Variants in SCN2A observed in about 807,000 individuals in gnomAD.
SCN2A encodes the protein sodium voltage-gated channel alpha subunit 2, also known as sodium channel protein type 2 subunit alpha.
Under a neutral mutation model 188.7 loss-of-function variants are expected in SCN2A, and 20 were observed. That is an observed-to-expected ratio of 0.11 (90% CI 0.07 to 0.15). SCN2A has a LOEUF of 0.15. SCN2A is among the 10% of genes least tolerant of loss of function. SCN2A has a pLI of 1.00. For missense variants in SCN2A, 1,278 were observed against 2,445.0 expected (o/e 0.52, Z 10.07); for synonymous variants, 804 against 833.1 (o/e 0.97, Z 0.60).
intron 14 of SCN2A, among the ~76,000 whole-genome samples, chr2:165,337,455 C>A (rs13387970): frequency 0.48 from 73,502 of 151,864 alleles, 18,450 homozygotes; most frequent in Middle Eastern, 0.61. Flanking sequence ...TAGTAACTTA[C>A]AGACCTTAAT....
At position 165,391,522 on chromosome 2, in the gene SCN2A, G is replaced by A. The variant is rs1290612793; in HGVS notation, c.*1698G>A. 1 of 152,484 alleles carries A rather than the reference G, an allele frequency of 6.6e-6. No individual in the cohort carries two copies. The highest frequency in any genetic ancestry group is 6.6e-5 in the Admixed American group (1 of 15,234). The allele number at this position is 152,484 out of a possible 1,614,324, so 9.4% of individuals were successfully genotyped here. On this transcript the variant is annotated 3_prime_UTR_variant, in exon 27 of 27. Coordinates refer to ENST00000375437, the MANE Select transcript of SCN2A (RefSeq NM_001040142.2). ...AAGCACTTCACAAAATAAGAAGCAA[G>A]GACTAGGATGCAGTGTAGGTTTCTG...
chr2:165,338,865 A>G (rs1458305052), intron 14 of SCN2A, among the ~76,000 whole-genome samples: 1 of 152,190 alleles, frequency 6.6e-6, no homozygotes, highest in Non-Finnish European at 1.5e-5. Flanking sequence ...ATTTGTGAGA[A>G]AAACTGTCAG....
rs1388551340 is a variant in SCN2A at position 165,367,257 on chromosome 2, A to G, written c.3561A>G (p.Glu1187=). 1 of 1,614,074 alleles carries G rather than the reference A, an allele frequency of 6.2e-7. No homozygotes were observed. Among genetic ancestry groups the G allele is most frequent in the African/African-American group, 1.3e-5 (1 of 74,940 alleles). ...RKFKCCQISI[E]EGKGKLWWNL... is the part of the protein sequence containing the mutation. Reference sequence around the variant, plus strand: ...TCAAGTGTTGTCAGATAAGCATAGAAGAAGGCAAAGGGAAACTCTGGTGGA... The same window carrying G: ...TCAAGTGTTGTCAGATAAGCATAGAGGAAGGCAAAGGGAAACTCTGGTGGA... The change falls in exon 19 of 27, where the codon GAA becomes GAG. Residue 1187 remains glutamate, a synonymous_variant. Transcript: ENST00000375437.
At chr2:165,271,759 A>G (rs1371541599) in intron 1 of SCN2A, 1 of 152,028 alleles carries the variant, frequency 6.6e-6, no homozygotes, top group African/African-American at 2.4e-5. Context: ...TCCAATTTCT[A>G]TCACTATAGC....
At chr2:165,278,487 A>G (rs1411253767) in intron 1 of SCN2A, among the ~76,000 whole-genome samples, 1 of 152,150 alleles carries the variant, frequency 6.6e-6, no homozygotes, top group East Asian at 1.9e-4. Context: ...TCATTATCAC[A>G]AGAACAGCAC....
intron 19 of SCN2A, among the ~76,000 whole-genome samples, chr2:165,368,046 C>T (rs139797118): frequency 3.9e-4 from 59 of 152,208 alleles, no homozygotes; most frequent in East Asian, 7.7e-4. Context: ...AGTTCATGTC[C>T]GGCGTCCAGG....
chr2:165,240,751 G>A (rs1289785763), intron 1 of SCN2A, among the ~76,000 whole-genome samples: 1 of 147,066 alleles, frequency 6.8e-6, no homozygotes, highest in Non-Finnish European at 1.5e-5. Context: ...CTCAGTCATT[G>A]TTTTCCTGTA....
rs1421192666 is a variant in SCN2A, at chr2:165,344,676, T to A, written c.2684T>A (p.Phe895Tyr). 3 of 1,614,178 alleles carry A rather than the reference T, an allele frequency of 1.9e-6. No individual in the cohort carries two copies. Among genetic ancestry groups the A allele is most frequent in the Non-Finnish European group, 2.5e-6 (3 of 1,180,032 alleles). ...GTATTGGCCATCATCGTCTTCATTT[T>A]TGCTGTGGTCGGCATGCAGCTCTTT... ...TLVLAIIVFI[F>Y]AVVGMQLFGK... The change falls in exon 16 of 27, where the codon TTT (phenylalanine) becomes TAT (tyrosine). Residue 895 changes from phenylalanine to tyrosine, a missense_variant. Coordinates refer to ENST00000375437, the MANE Select transcript of SCN2A (RefSeq NM_001040142.2).
intron 1 of SCN2A, among the ~76,000 whole-genome samples, chr2:165,260,169 T>G (rs1694516539): frequency 6.6e-6 from 1 of 152,002 alleles, no homozygotes; most frequent in African/African-American, 2.4e-5. Flanking sequence ...GGTCTCTATC[T>G]CCTGACCTCA....
chr2:165,319,268 T>C (rs533876874), intron 11 of SCN2A, among the ~76,000 whole-genome samples: 1 of 151,728 alleles, frequency 6.6e-6, no homozygotes, highest in South Asian at 2.1e-4. Context: ...ACCTGGGAGG[T>C]GGAGCTTGCA....
chr2:165,241,235 T>C (rs1213522554), intron 1 of SCN2A: 1 of 152,154 alleles, frequency 6.6e-6, no homozygotes, highest in East Asian at 1.9e-4. Flanking sequence ...GCATATTATA[T>C]GCAGTGCTCA....
rs753221513 is a variant in SCN2A, at chr2:165,389,855, C to A, written c.*31C>A. The stretch of plus-strand genomic sequence containing the variant: ...AACCAAGAATTTTCCATTTTGTGAT[C>A]AATTGTTTACAGCCCGTGATGGTGA... On this transcript the variant is annotated 3_prime_UTR_variant, in exon 27 of 27. Coordinates refer to ENST00000375437, the MANE Select transcript of SCN2A (RefSeq NM_001040142.2). The surrounding 1 kb of genome is among the most constrained non-coding windows in gnomAD (Gnocchi z 4.2). 2.6e-6 allele frequency: 4 copies of A among 1,562,952 alleles called. No individual in the cohort carries two copies. In the Admixed American group the frequency reaches 7.5e-5, roughly 29 times the overall value.
At position 165,309,336 on chromosome 2, in the gene SCN2A, G is replaced by C; in HGVS notation, c.606-16G>C. On this transcript the variant is annotated splice_polypyrimidine_tract_variant and intron_variant, in intron 5 of 26. Coordinates refer to ENST00000375437, the MANE Select transcript of SCN2A (RefSeq NM_001040142.2). The stretch of plus-strand genomic sequence containing the variant: ...GTGTTCTGTCATTGTGTTTGTGTGT[G>C]AACCCCCTATTACAGATATGTGACA... 1 of 1,613,602 alleles carries C rather than the reference G, an allele frequency of 6.2e-7. No individual in the cohort carries two copies. Among genetic ancestry groups the C allele is most frequent in the Non-Finnish European group, 8.5e-7 (1 of 1,179,678 alleles).
intron 1 of SCN2A, among the ~76,000 whole-genome samples, chr2:165,254,879 TTACC>T (rs1384865589): frequency 6.6e-6 from 1 of 151,794 alleles, no homozygotes; most frequent in Non-Finnish European, 1.5e-5. Flanking sequence ...AAGTACAAAA[TTACC>T]TTACTTATCC....
intron 1 of SCN2A, among the ~76,000 whole-genome samples, chr2:165,264,016 C>T (rs914546034): frequency 1.3e-5 from 2 of 151,866 alleles, no homozygotes; most frequent in African/African-American, 2.4e-5. Flanking sequence ...TTGCTGAATT[C>T]GTTTACCAGT....
intron 19 of SCN2A, among the ~76,000 whole-genome samples, chr2:165,368,601 CACTT>C (rs1700856628): frequency 6.6e-6 from 1 of 152,114 alleles, no homozygotes; most frequent in Non-Finnish European, 1.5e-5. Context: ...GAAGTAGACT[CACTT>C]AATTACTGAC....
chr2:165,312,550 T>C (rs1213374831), intron 8 of SCN2A, among the ~76,000 whole-genome samples: 1 of 152,082 alleles, frequency 6.6e-6, no homozygotes, highest in East Asian at 1.9e-4. Context: ...GAGTCAGACT[T>C]TGACTCCATC....
chr2:165,289,319 A>C (rs988434504), intron 1 of SCN2A, among the ~76,000 whole-genome samples: 1 of 152,044 alleles, frequency 6.6e-6, no homozygotes, highest in African/African-American at 2.4e-5. Flanking sequence ...ATTTAGAAAA[A>C]ATATATTCCT....
At chr2:165,263,364 T>C (rs953259918) in intron 1 of SCN2A, among the ~76,000 whole-genome samples, 2 of 152,168 alleles carry the variant, frequency 1.3e-5, no homozygotes, top group African/African-American at 4.8e-5. Flanking sequence ...TGGCTTCAGG[T>C]CTTAATTTAA....
Sources: gnomAD v4.1 joint callset for allele counts (sites outside exome capture counted in the v4.1 genomes callset) on GRCh38, gnomAD v4.1.1 for gene constraint, Gnocchi (gnomAD v3.1) non-coding constraint, MANE v1.5 for transcripts, NCBI Gene and HGNC (gene_info 2026-07-23, HGNC 2026-07-21) for gene names.